GPC6: variants seen among roughly 807,000 people sequenced by gnomAD.
GPC6 encodes glypican 6, also known as glypican-6.
GPC6 carries 14 observed loss-of-function variants against 55.2 expected under a neutral mutation model. That is an observed-to-expected ratio of 0.25 (90% CI 0.17 to 0.40). The LOEUF is 0.40. GPC6 is among the 10% of genes least tolerant of loss of function. The pLI is 1.00. For synonymous variants in GPC6, 278 were observed against 259.6 expected (o/e 1.07, Z -0.68); for missense variants, 641 against 708.5 (o/e 0.90, Z 1.08).
intron 1 of GPC6, among the ~76,000 whole-genome samples, chr13:93,540,530 T>C (rs1882251908): frequency 6.6e-6 from 1 of 152,140 alleles, no homozygotes; most frequent in Non-Finnish European, 1.5e-5. Flanking sequence ...AGATATAGCT[T>C]TATTTTTATT....
chr13:93,404,866 A>C (rs991943501), intron 1 of GPC6, among the ~76,000 whole-genome samples: 45 of 152,290 alleles, frequency 3.0e-4, no homozygotes, highest in Middle Eastern at 6.8e-3. Context: ...TTTTCTTTAA[A>C]ATAAATACTA....
chr13:93,987,250 A>G (rs771635005), intron 3 of GPC6, among the ~76,000 whole-genome samples: 7 of 152,206 alleles, frequency 4.6e-5, no homozygotes, highest in Non-Finnish European at 8.8e-5. Context: ...CATTGTTGGA[A>G]CATGGTGAAA....
chr13:94,080,459 C>A (rs1271055512), intron 4 of GPC6, among the ~76,000 whole-genome samples: 3 of 152,074 alleles, frequency 2.0e-5, no homozygotes, highest in East Asian at 3.8e-4. Context: ...TTATTCATTA[C>A]CTTAGATAAA....
rs534259820 is a variant in GPC6, at chr13:93,714,415, T to A, written c.320-115739T>A. Among the ~76,000 whole-genome samples the A allele has an allele frequency of 3.3e-5, 5 of 151,992 alleles. No homozygotes were observed. In the South Asian group the frequency reaches 1.0e-3, roughly 31 times the overall value. ...CTCACACCAGTCAGAATGGCTATTA[T>A]TAAACAGTCAAAAGACAACAGATGC... On this transcript the variant is annotated intron_variant, in intron 2 of 8. Transcript: ENST00000377047.
chr13:94,361,486 TC>T (rs1314396391), intron 6 of GPC6, among the ~76,000 whole-genome samples: 1 of 152,256 alleles, frequency 6.6e-6, no homozygotes, highest in Non-Finnish European at 1.5e-5. Flanking sequence ...CAGGCACAGT[TC>T]TTTATACACA....
chr13:93,997,489 G>C (rs1881607299), intron 3 of GPC6, among the ~76,000 whole-genome samples: 1 of 151,986 alleles, frequency 6.6e-6, no homozygotes, highest in Admixed American at 6.6e-5. Context: ...GAGCCCTAAG[G>C]CTATGGTAGA....
At chr13:93,801,440 C>A (rs1050321104) in intron 2 of GPC6, among the ~76,000 whole-genome samples, 7 of 152,138 alleles carry the variant, frequency 4.6e-5, no homozygotes, top group African/African-American at 1.7e-4. Flanking sequence ...CAATGTTGAG[C>A]ATCTTTTCAT....
intron 1 of GPC6, among the ~76,000 whole-genome samples, chr13:93,248,790 T>C (rs1876690873): frequency 6.6e-6 from 1 of 152,200 alleles, no homozygotes; most frequent in Admixed American, 6.5e-5. Flanking sequence ...GCCTGGTTAC[T>C]GTGGAATTGA....
chr13:93,340,172 C>A (rs1594106015), intron 1 of GPC6, among the ~76,000 whole-genome samples: 1 of 151,522 alleles, frequency 6.6e-6, no homozygotes, highest in African/African-American at 2.4e-5. Flanking sequence ...GTAGCTGGGA[C>A]TACAGGCGCC....
intron 6 of GPC6, among the ~76,000 whole-genome samples, chr13:94,308,522 T>A (rs936634996): frequency 6.6e-6 from 1 of 152,220 alleles, no homozygotes; most frequent in Non-Finnish European, 1.5e-5. Context: ...AAACGTATCA[T>A]CACAAGTAAA....
chr13:93,524,473 G>A (rs1045442766), intron 1 of GPC6, among the ~76,000 whole-genome samples: 3 of 151,936 alleles, frequency 2.0e-5, no homozygotes, highest in Non-Finnish European at 4.4e-5. Context: ...GACTGCTTCA[G>A]TCCTTATGTC....
At chr13:93,857,416 G>A (rs1332204365) in intron 3 of GPC6, among the ~76,000 whole-genome samples, 1 of 151,488 alleles carries the variant, frequency 6.6e-6, no homozygotes. Flanking sequence ...ATTTGATCAG[G>A]TCCTGTCTTG....
At chr13:93,985,411 C>G (rs544219261) in intron 3 of GPC6, among the ~76,000 whole-genome samples, 1 of 150,868 alleles carries the variant, frequency 6.6e-6, no homozygotes, top group Non-Finnish European at 1.5e-5. Flanking sequence ...CACTCCAGCC[C>G]GGGCAACAGA....
intron 4 of GPC6, among the ~76,000 whole-genome samples, chr13:94,090,377 A>G (rs1255840002): frequency 6.6e-6 from 1 of 152,174 alleles, no homozygotes; most frequent in African/African-American, 2.4e-5. Context: ...GCCAAACCAT[A>G]TCATTATCAT....
intron 3 of GPC6, among the ~76,000 whole-genome samples, chr13:93,885,728 A>G (rs1470954419): frequency 6.6e-6 from 1 of 152,204 alleles, no homozygotes; most frequent in Admixed American, 6.6e-5. Context: ...ATTTAGCCAA[A>G]CACTGAGTTT....
chr13:93,246,681 C>G (rs866684172), intron 1 of GPC6, among the ~76,000 whole-genome samples: 14 of 150,588 alleles, frequency 9.3e-5, no homozygotes, highest in African/African-American at 3.4e-4. Context: ...ACCTGTATTC[C>G]CAGCTACTAG....
At chr13:93,527,868 G>T (rs1329209895) in intron 1 of GPC6, among the ~76,000 whole-genome samples, 1 of 152,100 alleles carries the variant, frequency 6.6e-6, no homozygotes, top group Non-Finnish European at 1.5e-5. Context: ...TTGTCATGGA[G>T]GGAGGCAATT....
At chr13:93,725,013 A>T (rs1283910641) in intron 2 of GPC6, among the ~76,000 whole-genome samples, 1 of 152,082 alleles carries the variant, frequency 6.6e-6, no homozygotes, top group Non-Finnish European at 1.5e-5. Context: ...GTGCACTCAA[A>T]GGCAAGATTT....
intron 2 of GPC6, among the ~76,000 whole-genome samples, chr13:93,732,018 A>T (rs1281163419): frequency 2.0e-5 from 3 of 151,512 alleles, no homozygotes; most frequent in Admixed American, 1.3e-4. Context: ...AAATGAAAGA[A>T]TAAATAGCAT....
Sources: allele counts gnomAD v4.1 joint callset (sites outside exome capture counted in the v4.1 genomes callset), GRCh38; gene constraint gnomAD v4.1.1; transcripts MANE v1.5; gene names NCBI Gene and HGNC (gene_info 2026-07-23, HGNC 2026-07-21).